The following CSMD3 variants were observed in gnomAD, a reference collection of about 807,000 sequenced individuals.
CSMD3 encodes CUB and Sushi multiple domains 3.
A neutral mutation model predicts 435.2 loss-of-function variants in CSMD3; 177 were observed. The observed-to-expected ratio is 0.41, with a 90% CI of 0.36 to 0.46. The LOEUF (loss-of-function observed/expected upper bound fraction) is 0.46. CSMD3 is among the 20% of genes least tolerant of loss of function. CSMD3 has a pLI of 0.34. For synonymous variants in CSMD3, 1,656 were observed against 1,520.5 expected (o/e 1.09, Z -2.07); for missense variants, 4,265 against 4,504.6 (o/e 0.95, Z 1.52).
At chr8:112,990,525 G>A (rs1224146928) in intron 6 of CSMD3, among the ~76,000 whole-genome samples, 1 of 151,758 alleles carries the variant, frequency 6.6e-6, no homozygotes, top group Non-Finnish European at 1.5e-5. Context: ...GAGGCTTTGT[G>A]AAAAATGTTA....
chr8:112,696,822 C>T (rs539276792), intron 13 of CSMD3, among the ~76,000 whole-genome samples: 42 of 152,010 alleles, frequency 2.8e-4, no homozygotes, highest in African/African-American at 9.9e-4. Context: ...TTGCAATCTA[C>T]TCATCTGACA....
At chr8:112,446,122 A>G (rs552991335) in intron 32 of CSMD3, among the ~76,000 whole-genome samples, 3 of 152,302 alleles carry the variant, frequency 2.0e-5, no homozygotes, top group African/African-American at 7.2e-5. Context: ...ACACATAGCT[A>G]AGAAGCATTG....
At chr8:112,523,266 C>T (rs1172393832) in intron 27 of CSMD3, among the ~76,000 whole-genome samples, 1 of 151,798 alleles carries the variant, frequency 6.6e-6, no homozygotes, top group Non-Finnish European at 1.5e-5. Context: ...ATCTTTCCTG[C>T]CTTATCTGTA....
At chr8:112,776,177 G>T (rs182706977) in intron 13 of CSMD3, among the ~76,000 whole-genome samples, 77 of 151,798 alleles carry the variant, frequency 5.1e-4, no homozygotes, top group Non-Finnish European at 7.4e-4. Context: ...CATAACAGCC[G>T]TATCACCTGT....
Position 112,351,211 on chromosome 8 carries a change from C to T in CSMD3, c.6289G>A (p.Val2097Ile), listed in dbSNP as rs2131054478. The T allele has an allele frequency of 6.2e-7, 1 of 1,609,092 alleles. No homozygotes were observed. The highest frequency in any genetic ancestry group is 8.5e-7 in the Non-Finnish European group (1 of 1,175,900). ...GGGATTGGATAATTCCATCTTCTTA[C>T]AGGTCCTGGCATACATGTAATGTGA... is the stretch of plus-strand genomic sequence containing the variant. Reference protein sequence around the residue: ...HSHITCMPGPVRRWNYPIPIC... With the variant: ...HSHITCMPGPIRRWNYPIPIC... Residue 2097 changes from valine (V) to isoleucine (I), a missense_variant, in exon 40 of 71, where the codon GTA (valine) becomes ATA (isoleucine). This residue lies in a region of CSMD3 where 3,255 missense variants were observed against 3,380.2 expected (regional missense o/e 0.96). Transcript: ENST00000297405.
At chr8:112,488,281 T>C (rs1306834780) in intron 31 of CSMD3, among the ~76,000 whole-genome samples, 1 of 152,190 alleles carries the variant, frequency 6.6e-6, no homozygotes, top group Admixed American at 6.5e-5. Context: ...AGTTTACAGA[T>C]ATTTAACAAG....
At chr8:113,250,283 G>A (rs1197394507) in intron 3 of CSMD3, among the ~76,000 whole-genome samples, 1 of 152,044 alleles carries the variant, frequency 6.6e-6, no homozygotes, top group African/African-American at 2.4e-5. Flanking sequence ...TCAAATAAAG[G>A]AGTTCATATT....
At chr8:112,333,095 T>C (rs1824216243) in intron 45 of CSMD3, among the ~76,000 whole-genome samples, 1 of 152,176 alleles carries the variant, frequency 6.6e-6, no homozygotes, top group African/African-American at 2.4e-5. Context: ...GAGATCAAAG[T>C]GTAACTTGTC....
At chr8:112,585,192 G>C (rs7841623) in intron 23 of CSMD3, among the ~76,000 whole-genome samples, 1 of 150,744 alleles carries the variant, frequency 6.6e-6, no homozygotes, top group South Asian at 2.1e-4. Flanking sequence ...TAATAATTCA[G>C]AATAAATCTC....
intron 13 of CSMD3, among the ~76,000 whole-genome samples, chr8:112,715,917 A>G (rs536929542): frequency 1.1e-4 from 16 of 152,184 alleles, no homozygotes; most frequent in Non-Finnish European, 2.1e-4. Context: ...TATTCATGCA[A>G]AATATCTCAA....
intron 38 of CSMD3, among the ~76,000 whole-genome samples, chr8:112,377,612 C>T (rs1300463489): frequency 1.3e-5 from 2 of 152,006 alleles, no homozygotes; most frequent in East Asian, 1.9e-4. Context: ...TGATAGTAAG[C>T]CAAATCTAGC....
chr8:112,341,074 C>T (rs1195039411), intron 42 of CSMD3, among the ~76,000 whole-genome samples: 1 of 152,036 alleles, frequency 6.6e-6, no homozygotes, highest in East Asian at 1.9e-4. Context: ...AGTCTTATCA[C>T]TATAAAGTAA....
intron 22 of CSMD3, among the ~76,000 whole-genome samples, chr8:112,597,716 C>T (rs1289383027): frequency 6.6e-5 from 9 of 136,448 alleles, no homozygotes; most frequent in South Asian, 5.0e-4. Flanking sequence ...GTTCAATATA[C>T]GCAAATCAAT....
At chr8:112,747,813 A>T (rs2077469314) in intron 13 of CSMD3, among the ~76,000 whole-genome samples, 1 of 151,932 alleles carries the variant, frequency 6.6e-6, no homozygotes, top group Admixed American at 6.5e-5. Context: ...AATACAAAAA[A>T]TTAGCCGGGC....
chr8:112,678,995 G>A (rs907131507), intron 16 of CSMD3, among the ~76,000 whole-genome samples: 2 of 150,938 alleles, frequency 1.3e-5, no homozygotes, highest in Non-Finnish European at 1.5e-5. Flanking sequence ...ACAGAAAAAA[G>A]GAGACAGGAG....
intron 7 of CSMD3, 138 bp from the exon 8 acceptor site, chr8:112,954,899 A>T (rs2083957478): frequency 3.2e-6 from 2 of 625,596 alleles, no homozygotes; most frequent in South Asian, 3.7e-5. Flanking sequence ...ACCCAGAAGA[A>T]TTTTTTTTAA....
intron 6 of CSMD3, among the ~76,000 whole-genome samples, chr8:113,003,142 G>T (rs1025615040): frequency 2.6e-5 from 4 of 152,080 alleles, no homozygotes; most frequent in African/African-American, 9.7e-5. Flanking sequence ...CTACTTGGGA[G>T]GCTGAGGCAG....
chr8:112,536,593 T>C (rs992465483), intron 27 of CSMD3, among the ~76,000 whole-genome samples: 5 of 152,138 alleles, frequency 3.3e-5, no homozygotes, highest in Non-Finnish European at 7.3e-5. Context: ...AGTTCAACCA[T>C]TGTGGAAGTC....
chr8:112,234,703 G>A (rs533940143), intron 67 of CSMD3, among the ~76,000 whole-genome samples: 1 of 152,166 alleles, frequency 6.6e-6, no homozygotes, highest in East Asian at 1.9e-4. Context: ...TAGTTGTGGG[G>A]TTTAAATTAC....
Sources: gnomAD v4.1 joint callset for allele counts (sites outside exome capture counted in the v4.1 genomes callset) on GRCh38, gnomAD v4.1.1 for gene constraint, gnomAD v4.1.1 regional missense constraint, MANE v1.5 for transcripts, NCBI Gene and HGNC (gene_info 2026-07-23, HGNC 2026-07-21) for gene names.